The following SOS2 variants were observed in gnomAD, a reference collection of about 807,000 sequenced individuals.
SOS2 encodes the protein SOS Ras/Rho guanine nucleotide exchange factor 2, also known as son of sevenless homolog 2.
A neutral mutation model predicts 148.2 loss-of-function variants in SOS2; 65 were observed. The observed-to-expected ratio is 0.44, with a 90% CI of 0.36 to 0.54. The LOEUF is 0.54. Among genes scored for constraint, SOS2 ranks in the 20% least tolerant of loss-of-function variants. SOS2 has a pLI of 0.00. For missense variants in SOS2, 1,341 were observed against 1,590.2 expected (o/e 0.84, Z 2.67); for synonymous variants, 539 against 537.1 (o/e 1.00, Z -0.05).
intron 1 of SOS2, among the ~76,000 whole-genome samples, chr14:50,230,222 T>C (rs1353478777): frequency 1.3e-5 from 2 of 152,252 alleles, no homozygotes; most frequent in Non-Finnish European, 2.9e-5. Flanking sequence ...TTTCCAAGTA[T>C]AGTCTTTTAA....
intron 21 of SOS2, among the ~76,000 whole-genome samples, chr14:50,126,213 C>G (rs1471019770): frequency 6.6e-6 from 1 of 152,096 alleles, no homozygotes; most frequent in Admixed American, 6.6e-5. Flanking sequence ...ACACTAGAAA[C>G]AAAACAAATT....
intron 4 of SOS2, among the ~76,000 whole-genome samples, chr14:50,192,798 A>G (rs1254520286): frequency 6.6e-6 from 1 of 152,142 alleles, no homozygotes; most frequent in Non-Finnish European, 1.5e-5. Flanking sequence ...CAGGAGGCAG[A>G]GGTTGCAGTG....
chr14:50,186,257 G>T (rs528379630), intron 5 of SOS2, among the ~76,000 whole-genome samples: 1 of 152,218 alleles, frequency 6.6e-6, no homozygotes, highest in South Asian at 2.1e-4. Flanking sequence ...TGACCCTTTA[G>T]TATTAAAATA....
intron 1 of SOS2, among the ~76,000 whole-genome samples, chr14:50,215,833 T>C (rs899930836): frequency 1.3e-5 from 2 of 152,240 alleles, no homozygotes; most frequent in Non-Finnish European, 2.9e-5. Flanking sequence ...TGACAAGTTA[T>C]AGAAATGTTA....
chr14:50,205,771 T>A (rs1476319515), intron 1 of SOS2, among the ~76,000 whole-genome samples: 1 of 151,990 alleles, frequency 6.6e-6, no homozygotes, highest in African/African-American at 2.4e-5. Context: ...AAATACAAAA[T>A]TAGCTGGGTG....
chr14:50,174,179 T>C lies in SOS2; in HGVS notation c.1068+275A>G, dbSNP rs549093209. 8.9e-5 allele frequency among the ~76,000 whole-genome samples: 9 copies of C among 101,446 alleles called. 1 individual carries two copies. The highest frequency in any genetic ancestry group is 2.7e-4 in the African/African-American group (9 of 33,314). 66.6% of individuals were successfully genotyped at this position (101,446 alleles called of 152,430 possible). A position where few individuals can be genotyped will look rare whatever the true frequency, so the allele number is the denominator to read the frequency against. On this transcript the variant is annotated intron_variant, in intron 8 of 22. Coordinates refer to ENST00000216373, the MANE Select transcript of SOS2 (RefSeq NM_006939.4). Reference sequence around the variant, plus strand: ...AATTAAAATAGAGAAGAGAGTCATTTTTTTTAAGTTATATATATATTTTTA... The same window carrying C: ...AATTAAAATAGAGAAGAGAGTCATTCTTTTTAAGTTATATATATATTTTTA...
intron 4 of SOS2, among the ~76,000 whole-genome samples, chr14:50,193,438 A>G (rs1169379478): frequency 6.6e-6 from 1 of 152,172 alleles, no homozygotes; most frequent in Non-Finnish European, 1.5e-5. Flanking sequence ...TATATACTAG[A>G]AGTTAAATTC....
chr14:50,182,721 G>C (rs182318111), intron 5 of SOS2, 115 bp from the exon 6 acceptor site: 1 of 737,290 alleles, frequency 1.4e-6, no homozygotes, highest in South Asian at 1.8e-5. Context: ...GAATAGCCCT[G>C]CTCCACAAGA....
At chr14:50,128,775 A>C (rs1239615304) in intron 21 of SOS2, among the ~76,000 whole-genome samples, 1 of 152,130 alleles carries the variant, frequency 6.6e-6, no homozygotes, top group East Asian at 1.9e-4. Flanking sequence ...TCACTTTGAT[A>C]AATTTTTTTT....
At chr14:50,122,457 C>G (rs768761278) in intron 21 of SOS2, among the ~76,000 whole-genome samples, 2 of 131,200 alleles carry the variant, frequency 1.5e-5, no homozygotes, top group African/African-American at 3.0e-5. Context: ...GTCCAGGAAC[C>G]CTGGTCTTTA....
At chr14:50,182,410 T>C in intron 6 of SOS2, 53 bp downstream of exon 6, 2 of 1,534,614 alleles carry the variant, frequency 1.3e-6, no homozygotes, top group Non-Finnish European at 1.8e-6. Flanking sequence ...TCTAAGTTTC[T>C]TACTACAGCA....
intron 8 of SOS2, among the ~76,000 whole-genome samples, chr14:50,165,501 T>C (rs1318302175): frequency 1.3e-5 from 2 of 152,276 alleles, no homozygotes; most frequent in Non-Finnish European, 2.9e-5. Context: ...GAAAAATCAA[T>C]AGGAATTTTT....
intron 21 of SOS2, among the ~76,000 whole-genome samples, chr14:50,129,466 C>A (rs1335931660): frequency 6.6e-6 from 1 of 152,186 alleles, no homozygotes; most frequent in East Asian, 1.9e-4. Flanking sequence ...CTCACCACAA[C>A]CTCTGCTTCC....
chr14:50,126,704 A>G (rs1428358975), intron 21 of SOS2, among the ~76,000 whole-genome samples: 1 of 152,106 alleles, frequency 6.6e-6, no homozygotes, highest in Non-Finnish European at 1.5e-5. Flanking sequence ...CAGAACAAGA[A>G]GACAAAGAGA....
At chr14:50,149,433 T>C (rs1410320025) in intron 14 of SOS2, among the ~76,000 whole-genome samples, 1 of 151,326 alleles carries the variant, frequency 6.6e-6, no homozygotes, top group Non-Finnish European at 1.5e-5. Flanking sequence ...CACTCATATA[T>C]GAAAACTAAA....
intron 1 of SOS2, 64 bp from the exon 2 acceptor site, chr14:50,204,473 A>G (rs769882183): frequency 1.0e-6 from 1 of 967,770 alleles, no homozygotes; most frequent in Non-Finnish European, 1.6e-6. Context: ...AAAGTCAAAG[A>G]GAATCTTATA....
chr14:50,163,840 C>T (rs1398764604), intron 8 of SOS2, among the ~76,000 whole-genome samples: 4 of 152,136 alleles, frequency 2.6e-5, no homozygotes, highest in Non-Finnish European at 4.4e-5. Flanking sequence ...GTAGTGATAT[C>T]CTACCAAAAA....
At chr14:50,224,323 AC>A (rs1247263232) in intron 1 of SOS2, among the ~76,000 whole-genome samples, 1 of 45,576 alleles carries the variant, frequency 2.2e-5, no homozygotes, top group African/African-American at 5.7e-5. Flanking sequence ...ATACACACAC[AC>A]ACACACACAC....
intron 2 of SOS2, among the ~76,000 whole-genome samples, chr14:50,202,946 A>C (rs1290695569): frequency 6.6e-6 from 1 of 152,154 alleles, no homozygotes; most frequent in African/African-American, 2.4e-5. Flanking sequence ...ACTGAAGGCC[A>C]GGAGTTCAAG....
Sources: gnomAD v4.1 joint callset for allele counts (sites outside exome capture counted in the v4.1 genomes callset) on GRCh38, gnomAD v4.1.1 for gene constraint, MANE v1.5 for transcripts, NCBI Gene and HGNC (gene_info 2026-07-23, HGNC 2026-07-21) for gene names.